Variants in SEL1L2 observed in about 807,000 individuals in gnomAD.
SEL1L2 encodes SEL1L2 adaptor subunit of SYVN1 ubiquitin ligase.
SEL1L2 carries 89 observed loss-of-function variants against 98.8 expected under a neutral mutation model. That is an observed-to-expected ratio of 0.90 (90% CI 0.76 to 1.07). The LOEUF (loss-of-function observed/expected upper bound fraction) is 1.07, where lower values mean the gene tolerates loss of function less well. Ranked by LOEUF, SEL1L2 falls within the 50% of genes least tolerant of loss-of-function variation. The probability of loss-of-function intolerance (pLI) is 0.00; values close to 1 mark genes in which losing one functional copy is unlikely to be tolerated. For missense variants in SEL1L2, 788 were observed against 812.0 expected, an observed-to-expected ratio of 0.97 and a Z score of 0.36; for synonymous variants, 262 against 278.5, an observed-to-expected ratio of 0.94 and a Z score of 0.59.
chr20:13,886,101 G>A (rs564330254), intron 9 of SEL1L2, among the ~76,000 whole-genome samples, 187 bp downstream of exon 9: 24 of 152,026 alleles, frequency 1.6e-4, no homozygotes, highest in Non-Finnish European at 2.8e-4. Context: ...ATGGCAACTA[G>A]TTCTCCAGTG....
chr20:13,908,103 C>CTTTTTTTTTTT (rs71188195), intron 5 of SEL1L2, among the ~76,000 whole-genome samples: 4 of 26,746 alleles, frequency 1.5e-4, no homozygotes, highest in African/African-American at 3.2e-4. Flanking sequence ...TTTCTTGGTT[C>CTTTTTTTTTTT]TTTTTTTTTT....
At chr20:13,988,170 C>A (rs929373263) in intron 1 of SEL1L2, among the ~76,000 whole-genome samples, 4 of 152,106 alleles carry the variant, frequency 2.6e-5, no homozygotes, top group Non-Finnish European at 5.9e-5. Flanking sequence ...GGTGGGGGTA[C>A]AAATTCATTC....
chr20:13,972,521 T>C (rs117728923), intron 1 of SEL1L2, among the ~76,000 whole-genome samples: 2,053 of 152,336 alleles, frequency 0.013, 30 homozygotes, highest in Middle Eastern at 0.031. Flanking sequence ...AGTCTTCTCT[T>C]GGATTCATTT....
intron 3 of SEL1L2, among the ~76,000 whole-genome samples, chr20:13,923,891 A>T (rs1328135455): frequency 6.6e-6 from 1 of 152,158 alleles, no homozygotes; most frequent in Non-Finnish European, 1.5e-5. Flanking sequence ...TGCTGAATCT[A>T]CCAGTTTCTA....
At chr20:13,860,252 C>T (rs1276292058) in intron 17 of SEL1L2, among the ~76,000 whole-genome samples, 2 of 152,112 alleles carry the variant, frequency 1.3e-5, no homozygotes, top group South Asian at 2.1e-4. Context: ...TAGCTCATGC[C>T]CCATTTCTCT....
At chr20:13,919,179 A>G (rs1025381905) in intron 3 of SEL1L2, 56 bp from the exon 4 acceptor site, 7 of 1,070,836 alleles carry the variant, frequency 6.5e-6, no homozygotes, top group Non-Finnish European at 9.8e-6. Flanking sequence ...TCCATATTTT[A>G]AAAATAATGT....
intron 14 of SEL1L2, among the ~76,000 whole-genome samples, chr20:13,869,007 T>G (rs34154402): frequency 0.2 from 29,676 of 151,790 alleles, 3,671 homozygotes; most frequent in Non-Finnish European, 0.26. Context: ...TTTTTTTTTT[T>G]TTGTTCCCTA....
At chr20:13,979,475 T>TTA (rs950141145) in intron 1 of SEL1L2, among the ~76,000 whole-genome samples, 3 of 152,198 alleles carry the variant, frequency 2.0e-5, no homozygotes, top group Admixed American at 1.3e-4. Flanking sequence ...TCATTACACA[T>TTA]TATATATATG....
At chr20:13,876,980 C>A (rs370960822) in intron 11 of SEL1L2, among the ~76,000 whole-genome samples, 1 of 152,210 alleles carries the variant, frequency 6.6e-6, no homozygotes, top group African/African-American at 2.4e-5. Context: ...CCCGCCACCA[C>A]ACCTAGCTAA....
intron 2 of SEL1L2, among the ~76,000 whole-genome samples, chr20:13,945,656 A>C (rs2049974515): frequency 6.6e-6 from 1 of 152,102 alleles, no homozygotes; most frequent in African/African-American, 2.4e-5. Context: ...AAAACTATAG[A>C]CCAATATCTC....
At chr20:13,884,715 G>A (rs1377757940) in intron 10 of SEL1L2, among the ~76,000 whole-genome samples, 3 of 151,792 alleles carry the variant, frequency 2.0e-5, no homozygotes, top group South Asian at 2.1e-4. Flanking sequence ...CACCGTGTTC[G>A]CCAGGATGGA....
Position 13,931,641 on chromosome 20 carries a change from A to C in SEL1L2, c.245T>G (p.Ile82Ser). 1 of 1,460,460 alleles carries C rather than the reference A, an allele frequency of 6.8e-7. No individual in the cohort carries two copies. The highest frequency in any genetic ancestry group is 9.3e-7 in the Non-Finnish European group (1 of 1,072,452). The allele number at this position is 1,460,460 out of a possible 1,614,324, so 90.5% of individuals were successfully genotyped here. A position where few individuals can be genotyped will look rare whatever the true frequency, so the allele number is the denominator to read the frequency against. ...KNQRKIRIKG[I>S]QNKDILKRNK... ...TCTCTTCAAGATATCTTTATTTTGA[A>C]TTCCTTTTATTCTTATTTTACGTTG... The change falls in exon 3 of 20, where the codon ATT (isoleucine) becomes AGT (serine). Residue 82 changes from isoleucine (I) to serine (S), a missense_variant. Transcript: ENST00000284951.
chr20:13,869,475 A>G, intron 14 of SEL1L2, 28 bp downstream of exon 14: 1 of 1,531,382 alleles, frequency 6.5e-7, no homozygotes, highest in Non-Finnish European at 9.1e-7. Context: ...GTCATTCTAA[A>G]TAAAGCAGCT....
intron 1 of SEL1L2, among the ~76,000 whole-genome samples, chr20:13,988,783 C>T (rs187704178): frequency 1.1e-3 from 171 of 152,144 alleles, no homozygotes; most frequent in African/African-American, 3.8e-3. Flanking sequence ...CAGGCTTAGG[C>T]GGGTGAATCA....
chr20:13,850,050 G>A, intron 19 of SEL1L2, 141 bp downstream of exon 19: 1 of 842,098 alleles, frequency 1.2e-6, no homozygotes, highest in Non-Finnish European at 1.8e-6. Flanking sequence ...TACTCTGCAT[G>A]GCAAGTGTAA....
chr20:13,876,623 T>C (rs2046444226), intron 11 of SEL1L2, among the ~76,000 whole-genome samples: 1 of 151,954 alleles, frequency 6.6e-6, no homozygotes, highest in African/African-American at 2.4e-5. Context: ...TCATCAGAGG[T>C]GGCATAAGGA....
intron 5 of SEL1L2, among the ~76,000 whole-genome samples, chr20:13,898,663 A>T (rs2047524390): frequency 6.6e-6 from 1 of 152,138 alleles, no homozygotes; most frequent in African/African-American, 2.4e-5. Context: ...TCCATTCTTC[A>T]TTTATGGGTA....
chr20:13,907,189 C>T (rs2047969959), intron 5 of SEL1L2, among the ~76,000 whole-genome samples: 1 of 151,932 alleles, frequency 6.6e-6, no homozygotes, highest in African/African-American at 2.4e-5. Flanking sequence ...GAAGTGTATA[C>T]ATCTAAGTTA....
intron 5 of SEL1L2, among the ~76,000 whole-genome samples, chr20:13,889,319 C>T (rs907164394): frequency 6.6e-6 from 1 of 151,968 alleles, no homozygotes; most frequent in South Asian, 2.1e-4. Flanking sequence ...ATAACAGCAC[C>T]CTTTTACATT....
Sources: allele counts gnomAD v4.1 joint callset (sites outside exome capture counted in the v4.1 genomes callset), GRCh38; gene constraint gnomAD v4.1.1; transcripts MANE v1.5; gene names NCBI Gene and HGNC (gene_info 2026-07-23, HGNC 2026-07-21).